CFAP70: variants seen among roughly 807,000 people sequenced by gnomAD.
CFAP70 encodes the protein cilia- and flagella-associated protein 70.
In CFAP70, 81 loss-of-function variants were observed where a neutral mutation model predicts 137.6. The ratio of observed to expected loss-of-function variants is 0.59; its 90% confidence interval spans 0.49 to 0.71. The LOEUF (loss-of-function observed/expected upper bound fraction) is 0.71, where lower values mean the gene tolerates loss of function less well. Ranked by LOEUF, CFAP70 falls within the 30% of genes least tolerant of loss-of-function variation. CFAP70 has a pLI of 0.00. For synonymous variants in CFAP70, 382 were observed against 423.6 expected (o/e 0.90, Z 1.20); for missense variants, 976 against 1,226.7 (o/e 0.80, Z 3.05).
chr10:73,304,602 G>C (rs150634781), intron 12 of CFAP70, among the ~76,000 whole-genome samples: 17 of 152,202 alleles, frequency 1.1e-4, no homozygotes, highest in African/African-American at 3.9e-4. Context: ...TATTGTGTTG[G>C]TGAATATGTG....
At chr10:73,306,983 T>C (rs1299599438) in intron 12 of CFAP70, among the ~76,000 whole-genome samples, 1 of 152,058 alleles carries the variant, frequency 6.6e-6, no homozygotes, top group African/African-American at 2.4e-5. Flanking sequence ...TCTCTCCTCT[T>C]TTTTTTGATG....
chr10:73,273,399 G>A (rs1001491745), intron 23 of CFAP70, among the ~76,000 whole-genome samples: 1 of 152,266 alleles, frequency 6.6e-6, no homozygotes, highest in South Asian at 2.1e-4. Context: ...ACAATCTCTG[G>A]ACTAAAAGGT....
chr10:73,277,185 ATAAAGAGTTTGC>A, intron 21 of CFAP70, 43 bp downstream of exon 22: 1 of 1,571,146 alleles, frequency 6.4e-7, no homozygotes, highest in Non-Finnish European at 8.6e-7. Context: ...TATGGATAGA[ATAAAGAGTTTGC>A]TAAAATCTTT....
intron 16 of CFAP70, among the ~76,000 whole-genome samples, chr10:73,292,617 A>G (rs1322626156): frequency 1.3e-5 from 2 of 152,202 alleles, no homozygotes; most frequent in African/African-American, 2.4e-5. Flanking sequence ...TGTCTCAGCA[A>G]TTTCATTTGT....
intron 7 of CFAP70, among the ~76,000 whole-genome samples, chr10:73,333,235 AAAAATG>A (rs2052308833): frequency 6.6e-6 from 1 of 152,188 alleles, no homozygotes; most frequent in East Asian, 1.9e-4. Context: ...GCAAAGGAAG[AAAAATG>A]AAAACAAAAA....
At chr10:73,338,544 C>T (rs1241471805) in intron 6 of CFAP70, among the ~76,000 whole-genome samples, 2 of 151,594 alleles carry the variant, frequency 1.3e-5, no homozygotes, top group East Asian at 3.9e-4. Flanking sequence ...GGTTCTCCTA[C>T]CTCAGCCTCC....
intron 15 of CFAP70, chr10:73,295,808 T>C (rs1403256737): frequency 6.6e-6 from 1 of 152,168 alleles, no homozygotes; most frequent in East Asian, 1.9e-4. Context: ...CTCTCTTATG[T>C]TTTTCTCAGG....
intron 16 of CFAP70, among the ~76,000 whole-genome samples, chr10:73,292,500 AAGATGTCAAT>A (rs1246391742): frequency 6.6e-6 from 1 of 152,238 alleles, no homozygotes; most frequent in African/African-American, 2.4e-5. Flanking sequence ...TAATATTGTT[AAGATGTCAAT>A]ACTATCCAAA....
chr10:73,287,564 G>A (rs772640295), intron 19 of CFAP70, among the ~76,000 whole-genome samples: 52 of 151,922 alleles, frequency 3.4e-4, no homozygotes, highest in Non-Finnish European at 4.4e-4. Flanking sequence ...CTTATTTTAT[G>A]CATGCATGGC....
At chr10:73,261,549 C>T (rs904173652) in intron 25 of CFAP70, among the ~76,000 whole-genome samples, 8 of 151,918 alleles carry the variant, frequency 5.3e-5, no homozygotes, top group African/African-American at 1.7e-4. Flanking sequence ...TTGTGAGACT[C>T]ATTCACTACC....
chr10:73,270,522 TCCCCCTCCCCTCCCC>T (rs2046202877), intron 24 of CFAP70, among the ~76,000 whole-genome samples: 1 of 1,088 alleles, frequency 9.2e-4, no homozygotes. Flanking sequence ...TCCCCTCCCC[TCCCCCTCCCCTCCCC>T]TCCCCTTCCC....
At chr10:73,289,933 T>TG (rs1231999763) in intron 19 of CFAP70, among the ~76,000 whole-genome samples, 2 of 151,396 alleles carry the variant, frequency 1.3e-5, no homozygotes, top group Admixed American at 1.3e-4. Context: ...TAGCTCCAGC[T>TG]ACTTGGAAGG....
chr10:73,306,570 A>G (rs939410348), intron 12 of CFAP70, among the ~76,000 whole-genome samples: 1 of 152,146 alleles, frequency 6.6e-6, no homozygotes, highest in Admixed American at 6.6e-5. Context: ...AGAAAAAAAA[A>G]TTGACAACTA....
At chr10:73,267,640 CT>C (rs2045896750) in intron 25 of CFAP70, among the ~76,000 whole-genome samples, 1 of 152,200 alleles carries the variant, frequency 6.6e-6, no homozygotes, top group South Asian at 2.1e-4. Context: ...TAATTTTCTA[CT>C]GCTGTGTATA....
At chr10:73,274,706 T>A in intron 22 of CFAP70, 112 bp from the exon 24 acceptor site, 7 of 1,019,692 alleles carry the variant, frequency 6.9e-6, no homozygotes, top group Non-Finnish European at 9.7e-6. Context: ...CTTTCTCTTT[T>A]CTTTTTCAGA....
At chr10:73,284,958 A>C (rs2131847717) in intron 19 of CFAP70, among the ~76,000 whole-genome samples, 1 of 151,258 alleles carries the variant, frequency 6.6e-6, no homozygotes, top group South Asian at 2.1e-4. Context: ...TGCAACTTGT[A>C]AGAGGGTTTG....
At chr10:73,351,664 C>G (rs969116597) in intron 3 of CFAP70, among the ~76,000 whole-genome samples, 18 of 152,174 alleles carry the variant, frequency 1.2e-4, no homozygotes, top group Admixed American at 2.0e-4. Flanking sequence ...AACTCCTGAC[C>G]TTGTGATCCA....
chr10:73,341,602 T>C (rs146921235), intron 5 of CFAP70, 21 bp from the exon 7 acceptor site: 28 of 1,597,066 alleles, frequency 1.8e-5, no homozygotes, highest in Middle Eastern at 1.7e-4. Flanking sequence ...AGATACCATA[T>C]GTCAGGAAAA....
In CFAP70 at chr10:73,337,366, C is replaced by T. The variant is rs551685708; in HGVS notation, c.583-1842G>A. Among the ~76,000 whole-genome samples, 184 of 152,244 alleles carry T rather than the reference C, an allele frequency of 1.2e-3. 1 individual carries two copies. Among genetic ancestry groups the T allele is most frequent in the Non-Finnish European group, 7.9e-4 (54 of 68,012 alleles). On this transcript the variant is annotated intron_variant, in intron 6 of 26. Coordinates refer to ENST00000310715, the Ensembl canonical transcript of CFAP70. ...GGGCATGGTGGCGTGTGCCTGTAATCTCAGCTATTCAGGTGGCTGAGGCAT... is the reference window on the plus strand; with the variant it reads ...GGGCATGGTGGCGTGTGCCTGTAATTTCAGCTATTCAGGTGGCTGAGGCAT...
Sources: allele counts gnomAD v4.1 joint callset (sites outside exome capture counted in the v4.1 genomes callset), GRCh38; gene constraint gnomAD v4.1.1; transcripts MANE v1.5; gene names NCBI Gene and HGNC (gene_info 2026-07-23, HGNC 2026-07-21).